The following DLGAP2 variants were observed in gnomAD, a reference collection of about 807,000 sequenced individuals.
The protein encoded by DLGAP2 is disks large-associated protein 2.
Under a neutral mutation model 100.3 loss-of-function variants are expected in DLGAP2, and 26 were observed. The observed-to-expected ratio is 0.26, with a 90% CI of 0.19 to 0.36. The LOEUF (loss-of-function observed/expected upper bound fraction) is 0.36, where lower values mean the gene tolerates loss of function less well. Ranked by LOEUF, DLGAP2 falls within the 10% of genes least tolerant of loss-of-function variation. The pLI is 1.00. For missense variants in DLGAP2, 1,858 were observed against 1,453.2 expected, an observed-to-expected ratio of 1.28 and a Z score of -4.53; for synonymous variants, 886 against 630.1, an observed-to-expected ratio of 1.41 and a Z score of -6.08.
chr8:1,385,886 C>A lies in DLGAP2; in HGVS notation c.107-115480C>A, dbSNP rs181872428. Among the ~76,000 whole-genome samples, 46 of 152,358 alleles carry A rather than the reference C, an allele frequency of 3.0e-4. No individual in the cohort carries two copies. The East Asian group carries it at 7.3e-3, about 24-fold the overall frequency. On this transcript the variant is annotated intron_variant, in intron 3 of 14. Transcript: ENST00000637795. The stretch of plus-strand genomic sequence containing the variant: ...GCACAGTTACCCGGCCTGTGCCCGG[C>A]CCCTGAGAACTTGGTGGACAGTTAC...
Position 826,668 on chromosome 8 carries a change from C to A in DLGAP2, c.19-81244C>A, listed in dbSNP as rs1012711231. Among the ~76,000 whole-genome samples the A allele has an allele frequency of 2.0e-5, 3 of 152,078 alleles. No individual in the cohort carries two copies. In the South Asian group the frequency reaches 6.2e-4, roughly 32 times the overall value. On this transcript the variant is annotated intron_variant, in intron 1 of 14. Coordinates refer to ENST00000637795, the MANE Select transcript of DLGAP2 (RefSeq NM_001346810.2). ...GCCTGGTGTCTCGAGGGTCCCGCGC[C>A]CCCTCTCGCAGCCTTCTCTGCCCGT...
intron 3 of DLGAP2, among the ~76,000 whole-genome samples, chr8:1,464,235 C>CAGCTCCCTTCCAGCACAGCTCCCTTCCAG (rs1563164743): frequency 7.8e-6 from 1 of 128,580 alleles, no homozygotes; most frequent in Non-Finnish European, 1.7e-5. Flanking sequence ...CCTTCCAGGA[C>CAGCTCCCTTCCAGCACAGCTCCCTTCCAG]GACACCCTTC....
intron 2 of DLGAP2, among the ~76,000 whole-genome samples, chr8:954,547 C>A (rs934209684): frequency 6.6e-6 from 1 of 152,130 alleles, no homozygotes; most frequent in African/African-American, 2.4e-5. Context: ...AAATGAACTG[C>A]AGCTTCATAC....
At chr8:1,170,141 C>T (rs370631564) in intron 2 of DLGAP2, among the ~76,000 whole-genome samples, 1 of 152,086 alleles carries the variant, frequency 6.6e-6, no homozygotes, top group Non-Finnish European at 1.5e-5. Context: ...TTAAGATAAT[C>T]ATGTGGTTTT....
intron 1 of DLGAP2, among the ~76,000 whole-genome samples, chr8:878,850 G>A (rs1207801712): frequency 6.6e-6 from 1 of 152,114 alleles, no homozygotes; most frequent in Non-Finnish European, 1.5e-5. Flanking sequence ...GAAGCCATGG[G>A]CACCATGCTC....
At chr8:747,093 C>T (rs577784201) in intron 1 of DLGAP2, among the ~76,000 whole-genome samples, 119 of 151,990 alleles carry the variant, frequency 7.8e-4, no homozygotes, top group Admixed American at 7.3e-3. Flanking sequence ...TCCTGGTTCT[C>T]GGGGGGCTGG....
Position 743,424 on chromosome 8 carries a change from T to C in DLGAP2, c.18+5599T>C, listed in dbSNP as rs528455855. 2.6e-5 allele frequency among the ~76,000 whole-genome samples: 4 copies of C among 152,006 alleles called. No individual in the cohort carries two copies. The East Asian group carries it at 7.7e-4, about 29-fold the overall frequency. On this transcript the variant is annotated intron_variant, in intron 1 of 14. Transcript: ENST00000637795. ...GAGGGTAGATCTTATATTCAGGGGCTGGGGTTGTGTAATATATAACAGTTA... is the reference window on the plus strand; with the variant it reads ...GAGGGTAGATCTTATATTCAGGGGCCGGGGTTGTGTAATATATAACAGTTA...
rs578039325 is a variant in DLGAP2, at chr8:831,624, A to T, written c.19-76288A>T. On this transcript the variant is annotated intron_variant, in intron 1 of 14. Transcript: ENST00000637795. ...TTAATCTAGTCTATCATTGATGGAC[A>T]TTTGGGTTGGTTCCAAGTCTTTGCT... Among the ~76,000 whole-genome samples, 27 of 152,312 alleles carry T rather than the reference A, an allele frequency of 1.8e-4. No homozygotes were observed. In the East Asian group the frequency reaches 4.8e-3, roughly 27 times the overall value.
intron 1 of DLGAP2, among the ~76,000 whole-genome samples, chr8:817,698 C>A (rs974248994): frequency 2.0e-5 from 3 of 152,200 alleles, no homozygotes; most frequent in Admixed American, 2.0e-4. Flanking sequence ...AGGTATGTGG[C>A]TTCCTGAGAA....
At chr8:790,636 G>A (rs1472578172) in intron 1 of DLGAP2, among the ~76,000 whole-genome samples, 2 of 152,080 alleles carry the variant, frequency 1.3e-5, no homozygotes, top group African/African-American at 4.8e-5. Flanking sequence ...ATAATATTTG[G>A]TCTATGCTGA....
At chr8:932,566 C>A (rs1331726063) in intron 2 of DLGAP2, among the ~76,000 whole-genome samples, 1 of 152,114 alleles carries the variant, frequency 6.6e-6, no homozygotes, top group African/African-American at 2.4e-5. Context: ...AGATTTTGAT[C>A]ATCATATTGT....
chr8:1,009,036 C>T (rs1333614701), intron 2 of DLGAP2, among the ~76,000 whole-genome samples: 2 of 152,212 alleles, frequency 1.3e-5, no homozygotes, highest in African/African-American at 4.8e-5. Context: ...ATGGGATTTC[C>T]CTGGCAAAAG....
intron 2 of DLGAP2, among the ~76,000 whole-genome samples, chr8:1,104,629 C>T (rs73524650): frequency 6.6e-6 from 1 of 152,166 alleles, no homozygotes; most frequent in African/African-American, 2.4e-5. Flanking sequence ...TTGGGCTGCT[C>T]CAGGAAATCG....
intron 4 of DLGAP2, among the ~76,000 whole-genome samples, chr8:1,507,288 G>A (rs992028000): frequency 6.6e-6 from 1 of 152,228 alleles, no homozygotes; most frequent in South Asian, 2.1e-4. Flanking sequence ...TGCAGGTCCC[G>A]AGCCCTGTCC....
chr8:883,429 A>G (rs1173436933), intron 1 of DLGAP2: 1 of 152,134 alleles, frequency 6.6e-6, no homozygotes, highest in African/African-American at 2.4e-5. Flanking sequence ...GAAATTTAGA[A>G]TAATGATCCT....
At chr8:1,066,563 G>A (rs563528973) in intron 2 of DLGAP2, among the ~76,000 whole-genome samples, 1 of 150,432 alleles carries the variant, frequency 6.6e-6, no homozygotes, top group Non-Finnish European at 1.5e-5. Context: ...CCACGGTCAG[G>A]TCTGAGTGAG....
At chr8:1,536,827 T>C (rs756225086) in intron 4 of DLGAP2, among the ~76,000 whole-genome samples, 8 of 152,218 alleles carry the variant, frequency 5.3e-5, no homozygotes, top group East Asian at 1.9e-4. Flanking sequence ...TTTGACACCA[T>C]TGAACTAATT....
At chr8:1,244,315 C>A (rs1427477083) in intron 2 of DLGAP2, among the ~76,000 whole-genome samples, 1 of 152,214 alleles carries the variant, frequency 6.6e-6, no homozygotes, top group Admixed American at 6.5e-5. Flanking sequence ...ACTGATAGGT[C>A]ATAGACCATT....
intron 3 of DLGAP2, among the ~76,000 whole-genome samples, chr8:1,497,905 A>G (rs1288515615): frequency 1.3e-5 from 2 of 152,202 alleles, no homozygotes; most frequent in African/African-American, 4.8e-5. Flanking sequence ...TGAGCCAAAG[A>G]TGAATGACCC....
Sources: allele counts gnomAD v4.1 joint callset (sites outside exome capture counted in the v4.1 genomes callset), GRCh38; gene constraint gnomAD v4.1.1; transcripts MANE v1.5; gene names NCBI Gene and HGNC (gene_info 2026-07-23, HGNC 2026-07-21).